Variants in ERBB4 observed in about 807,000 individuals in gnomAD.
ERBB4 encodes erb-b2 receptor tyrosine kinase 4.
A neutral mutation model predicts 158.0 loss-of-function variants in ERBB4; 42 were observed. The observed-to-expected ratio is 0.27, with a 90% CI of 0.21 to 0.34. ERBB4 has a LOEUF of 0.34. Among genes scored for constraint, ERBB4 ranks in the 10% least tolerant of loss-of-function variants. ERBB4 has a pLI of 1.00. For missense variants in ERBB4, 1,333 were observed against 1,624.1 expected, an observed-to-expected ratio of 0.82 and a Z score of 3.08; for synonymous variants, 583 against 558.7, an observed-to-expected ratio of 1.04 and a Z score of -0.61.
intron 19 of ERBB4, among the ~76,000 whole-genome samples, chr2:211,601,605 T>C (rs554208429): frequency 6.6e-6 from 1 of 152,102 alleles, no homozygotes; most frequent in Non-Finnish European, 1.5e-5. Context: ...CCAAATGGCA[T>C]TGGACTGCAA....
intron 1 of ERBB4, among the ~76,000 whole-genome samples, chr2:212,224,864 T>G (rs1037495006): frequency 1.3e-5 from 2 of 152,086 alleles, no homozygotes; most frequent in Non-Finnish European, 2.9e-5. Flanking sequence ...GAATTTGCAT[T>G]TAAATTTTAA....
At chr2:211,904,457 C>G (rs1197099928) in intron 3 of ERBB4, among the ~76,000 whole-genome samples, 1 of 151,978 alleles carries the variant, frequency 6.6e-6, no homozygotes, top group Non-Finnish European at 1.5e-5. Flanking sequence ...GGAACTTTAG[C>G]AAATTACCTT....
intron 2 of ERBB4, among the ~76,000 whole-genome samples, chr2:212,105,528 T>G (rs1208801331): frequency 6.6e-6 from 1 of 152,222 alleles, no homozygotes; most frequent in Non-Finnish European, 1.5e-5. Context: ...ATTTTATTAT[T>G]TCTTACTTAT....
intron 19 of ERBB4, among the ~76,000 whole-genome samples, chr2:211,593,459 CA>C (rs556644568): frequency 3.2e-4 from 48 of 152,258 alleles, no homozygotes; most frequent in Non-Finnish European, 6.0e-4. Flanking sequence ...CTATCCAAAC[CA>C]AATCCACATC....
rs191845184 is a variant in ERBB4 at position 212,149,560 on chromosome 2, T to C, written c.83-24657A>G. Among the ~76,000 whole-genome samples, 10 of 152,308 alleles carry C rather than the reference T, an allele frequency of 6.6e-5. 1 individual carries two copies. Among genetic ancestry groups the C allele is most frequent in the Admixed American group, 3.9e-4 (6 of 15,286 alleles). ...GGTAGAAATAGAAACAGCGGCACAGTAGCATATGCAGTTAAAATGTTTCAA... is the reference window on the plus strand; with the variant it reads ...GGTAGAAATAGAAACAGCGGCACAGCAGCATATGCAGTTAAAATGTTTCAA... On this transcript the variant is annotated intron_variant, in intron 1 of 27. Transcript: ENST00000342788.
Position 211,588,426 on chromosome 2 carries a change from A to G in ERBB4, c.2302-26338T>C, listed in dbSNP as rs551405891. Among the ~76,000 whole-genome samples, 3 of 152,316 alleles carry G rather than the reference A, an allele frequency of 2.0e-5. No homozygotes were observed. In the East Asian group the frequency reaches 5.8e-4, roughly 29 times the overall value. ...AAATGAGGATACGCTTTCAAATCCA[A>G]TTTAAATAGACAATCTAATAGGTAG... On this transcript the variant is annotated intron_variant, in intron 19 of 27. Transcript: ENST00000342788.
At chr2:211,547,016 C>T (rs2066958082) in intron 20 of ERBB4, among the ~76,000 whole-genome samples, 1 of 152,046 alleles carries the variant, frequency 6.6e-6, no homozygotes, top group Non-Finnish European at 1.5e-5. Flanking sequence ...TATGAATCTA[C>T]ACACGTGATA....
intron 3 of ERBB4, among the ~76,000 whole-genome samples, chr2:211,844,748 T>C (rs562690210): frequency 6.6e-6 from 1 of 152,204 alleles, no homozygotes; most frequent in Non-Finnish European, 1.5e-5. Flanking sequence ...ATGACTATAG[T>C]ATTTCTTCAA....
intron 12 of ERBB4, among the ~76,000 whole-genome samples, chr2:211,688,901 A>G (rs1360857257): frequency 1.3e-5 from 2 of 152,044 alleles, no homozygotes; most frequent in African/African-American, 4.8e-5. Context: ...ATATATTATA[A>G]ATTATTTTAG....
At chr2:211,918,639 G>GTATGTAAACCTAGTAGGAC (rs2079768729) in intron 3 of ERBB4, among the ~76,000 whole-genome samples, 4 of 152,226 alleles carry the variant, frequency 2.6e-5, no homozygotes, top group Admixed American at 2.6e-4. Context: ...CCTAGTAGGA[G>GTATGTAAACCTAGTAGGAC]TGTATTTCCC....
At position 211,580,934 on chromosome 2, in the gene ERBB4, C is replaced by T. The variant is rs534965999; in HGVS notation, c.2302-18846G>A. ...ATATATATGATGGAATACTACTTAG[C>T]CATAAAATGGAATTAATTAATGGCA... On this transcript the variant is annotated intron_variant, in intron 19 of 27. Coordinates refer to ENST00000342788, the MANE Select transcript of ERBB4 (RefSeq NM_005235.3). Among the ~76,000 whole-genome samples the T allele has an allele frequency of 7.5e-5, 10 of 133,924 alleles. No individual in the cohort carries two copies. The South Asian group carries it at 1.7e-3, about 23-fold the overall frequency. The allele number at this position is 133,924 out of a possible 152,430, so 87.9% of individuals were successfully genotyped here. A position where few individuals can be genotyped will look rare whatever the true frequency, so the allele number is the denominator to read the frequency against.
At chr2:212,377,321 T>C (rs2090358983) in intron 1 of ERBB4, among the ~76,000 whole-genome samples, 1 of 150,948 alleles carries the variant, frequency 6.6e-6, no homozygotes, top group African/African-American at 2.4e-5. Context: ...AGCTCTTCTA[T>C]AGAGATATGT....
chr2:212,445,069 G>A (rs1574930900), intron 1 of ERBB4, among the ~76,000 whole-genome samples: 1 of 152,028 alleles, frequency 6.6e-6, no homozygotes, highest in East Asian at 1.9e-4. Context: ...TGTGGCAGTG[G>A]GCTCATGCTC....
chr2:211,613,293 C>A (rs2069268045), intron 19 of ERBB4, among the ~76,000 whole-genome samples: 1 of 151,834 alleles, frequency 6.6e-6, no homozygotes, highest in Admixed American at 6.6e-5. Flanking sequence ...CAATGATGGT[C>A]CATGAATCTA....
rs73080745 is a variant in ERBB4 at position 211,660,113 on chromosome 2, A to T, written c.1872-2285T>A. On this transcript the variant is annotated intron_variant, in intron 15 of 27. Transcript: ENST00000342788. ...AACATGAGGCAATAGGAAGAGGGGA[A>T]AAAAGAAGTTAGAACATTAGGTGGG... Among the ~76,000 whole-genome samples, 1,167 of 152,338 alleles carry T rather than the reference A, an allele frequency of 7.7e-3. 13 individuals carry two copies. Among genetic ancestry groups the T allele is most frequent in the African/African-American group, 0.026 (1,087 of 41,570 alleles).
intron 2 of ERBB4, among the ~76,000 whole-genome samples, chr2:212,103,126 A>G (rs938456356): frequency 7.2e-5 from 11 of 152,098 alleles, no homozygotes; most frequent in African/African-American, 2.4e-4. Flanking sequence ...AAGCTTAGCC[A>G]CACTGAATAC....
intron 5 of ERBB4, among the ~76,000 whole-genome samples, chr2:211,748,941 T>C: frequency 6.6e-6 from 1 of 152,232 alleles, no homozygotes; most frequent in East Asian, 1.9e-4. Flanking sequence ...CCTCCAATTC[T>C]TTGCTATTAA....
intron 1 of ERBB4, among the ~76,000 whole-genome samples, chr2:212,523,079 T>C (rs1025435164): frequency 5.3e-5 from 8 of 151,942 alleles, no homozygotes; most frequent in Non-Finnish European, 1.2e-4. Context: ...AGAAGGTTTA[T>C]AGTGTAGATC....
intron 16 of ERBB4, among the ~76,000 whole-genome samples, chr2:211,639,203 A>G (rs1383195545): frequency 6.6e-6 from 1 of 152,202 alleles, no homozygotes; most frequent in East Asian, 1.9e-4. Context: ...TTATCTAGAT[A>G]GAATATATAT....
Sources: allele counts gnomAD v4.1 joint callset (sites outside exome capture counted in the v4.1 genomes callset), GRCh38; gene constraint gnomAD v4.1.1; transcripts MANE v1.5; gene names NCBI Gene and HGNC (gene_info 2026-07-23, HGNC 2026-07-21).